PLXNA4: variants seen among roughly 807,000 people sequenced by gnomAD.
PLXNA4 encodes plexin-A4.
PLXNA4 carries 44 observed loss-of-function variants against 191.8 expected under a neutral mutation model. The observed-to-expected ratio is 0.23, with a 90% confidence interval of 0.18 to 0.29. The LOEUF (loss-of-function observed/expected upper bound fraction) is 0.29. PLXNA4 is among the 10% of genes least tolerant of loss of function. The pLI, the probability that PLXNA4 is intolerant of heterozygous loss-of-function variation, is 1.00. For missense variants in PLXNA4, 1,800 were observed against 2,488.8 expected (o/e 0.72, Z 5.89); for synonymous variants, 1,082 against 1,009.5 (o/e 1.07, Z -1.36).
Position 132,600,551 on chromosome 7 carries a change from G to C in PLXNA4, c.-87+45377C>G, listed in dbSNP as rs781191597. ...CCAATTATTTTTTATTTTTTGTAGA[G>C]ACAAGATCTTACCATGTTGCCCAAG... is the stretch of plus-strand genomic sequence containing the variant. On this transcript the variant is annotated intron_variant, in intron 2 of 4. Coordinates refer to the PLXNA4 transcript ENST00000378539. 1.4e-4 allele frequency among the ~76,000 whole-genome samples: 22 copies of C among 151,974 alleles called. 1 individual carries two copies. Among genetic ancestry groups the C allele is most frequent in the Non-Finnish European group, 2.6e-4 (18 of 68,002 alleles).
intron 1 of PLXNA4, among the ~76,000 whole-genome samples, chr7:132,563,039 T>C (rs111066461): frequency 0.97 from 61,946 of 64,012 alleles, 29,982 homozygotes; most frequent in Middle Eastern, 1. Context: ...TCCTCCTCCT[T>C]CTCTTCTTTC....
intron 16 of PLXNA4, among the ~76,000 whole-genome samples, chr7:132,183,352 T>G (rs1264992590): frequency 6.6e-6 from 1 of 152,176 alleles, no homozygotes; most frequent in Non-Finnish European, 1.5e-5. Flanking sequence ...TCAACACACA[T>G]TTATCAAATG....
At chr7:132,311,953 C>T (rs1200751644) in intron 3 of PLXNA4, among the ~76,000 whole-genome samples, 1 of 151,938 alleles carries the variant, frequency 6.6e-6, no homozygotes, top group Non-Finnish European at 1.5e-5. Context: ...AGCTGGGGGC[C>T]CTGGGGCCAG....
At chr7:132,367,476 C>T (rs376698942) in intron 3 of PLXNA4, among the ~76,000 whole-genome samples, 2 of 150,782 alleles carry the variant, frequency 1.3e-5, no homozygotes, top group East Asian at 3.9e-4. Flanking sequence ...TGCCATGGAG[C>T]CTGGAAGAAG....
At position 132,504,150 on chromosome 7, in the gene PLXNA4, C is replaced by T. The variant is rs184257636; in HGVS notation, c.1188+3356G>A. ...AGCACAGCCGGCCTTCCCTGATTCACCTGAAGTTGAGGTACAGCTGAGCTC... is the reference window on the plus strand; with the variant it reads ...AGCACAGCCGGCCTTCCCTGATTCATCTGAAGTTGAGGTACAGCTGAGCTC... On this transcript the variant is annotated intron_variant, in intron 2 of 31. Transcript: ENST00000321063. Among the ~76,000 whole-genome samples the T allele has an allele frequency of 2.8e-3, 421 of 152,356 alleles. 14 individuals are homozygous for T. The highest frequency in any genetic ancestry group is 5.1e-4 in the Non-Finnish European group (35 of 68,040).
At chr7:132,599,857 C>T (rs1482095465) in intron 2 of PLXNA4, among the ~76,000 whole-genome samples, 4 of 152,030 alleles carry the variant, frequency 2.6e-5, no homozygotes, top group Admixed American at 2.6e-4. Flanking sequence ...AAGGAATTTC[C>T]ATAGTTCCTA....
intron 14 of PLXNA4, among the ~76,000 whole-genome samples, chr7:132,188,846 T>C (rs1052815611): frequency 4.0e-5 from 6 of 151,396 alleles, no homozygotes; most frequent in African/African-American, 1.5e-4. Context: ...AGCCAAAAAG[T>C]GGTGATCTTC....
intron 3 of PLXNA4, among the ~76,000 whole-genome samples, chr7:132,387,502 C>T (rs62466424): frequency 0.077 from 11,679 of 152,176 alleles, 475 homozygotes; most frequent in Middle Eastern, 0.088. Flanking sequence ...GAGTAACTGG[C>T]AAGAATGAAG....
chr7:132,403,811 G>T (rs1394028065), intron 3 of PLXNA4, among the ~76,000 whole-genome samples: 1 of 152,142 alleles, frequency 6.6e-6, no homozygotes, highest in South Asian at 2.1e-4. Flanking sequence ...GGACCTGAGG[G>T]ATCAGGAGGG....
At chr7:132,257,456 G>A (rs1799472822) in intron 4 of PLXNA4, among the ~76,000 whole-genome samples, 1 of 152,158 alleles carries the variant, frequency 6.6e-6, no homozygotes, top group Admixed American at 6.5e-5. Context: ...TGTCACCCTG[G>A]CCAAACCCAG....
At chr7:132,472,633 A>G (rs1796971653) in intron 3 of PLXNA4, among the ~76,000 whole-genome samples, 1 of 152,220 alleles carries the variant, frequency 6.6e-6, no homozygotes, top group South Asian at 2.1e-4. Flanking sequence ...GTCAGCAGAG[A>G]CAAATTTAGC....
At chr7:132,151,529 A>G (rs1795636840) in intron 25 of PLXNA4, among the ~76,000 whole-genome samples, 3 of 59,618 alleles carry the variant, frequency 5.0e-5, no homozygotes, top group Non-Finnish European at 6.0e-5. Flanking sequence ...GAGGAGGAGA[A>G]AGGAGGAGGA....
Position 132,146,555 on chromosome 7 carries a change from G to A in PLXNA4, c.5010C>T (p.Ser1670=). The change falls in exon 28 of 32, where the codon AGC becomes AGT. Residue 1670 remains serine (S), a synonymous_variant. Transcript: ENST00000321063. ...TCAGGTAGATTTCAGACACCATCTTGCTCCCCCGGTCCCCCTCCTTCTGGT... is the reference window on the plus strand; with the variant it reads ...TCAGGTAGATTTCAGACACCATCTTACTCCCCCGGTCCCCCTCCTTCTGGT... The part of the protein sequence containing the change: ...HGDQKEGDRG[S]KMVSEIYLTR... 2 of 1,614,098 alleles carry A rather than the reference G, an allele frequency of 1.2e-6. No individual in the cohort carries two copies. The highest frequency in any genetic ancestry group is 1.7e-6 in the Non-Finnish European group (2 of 1,180,024).
At chr7:132,340,261 G>C (rs151292404) in intron 3 of PLXNA4, among the ~76,000 whole-genome samples, 231 of 152,324 alleles carry the variant, frequency 1.5e-3, no homozygotes, top group African/African-American at 5.4e-3. Flanking sequence ...CCTCTTCACT[G>C]TATTGCTTAT....
intron 3 of PLXNA4, among the ~76,000 whole-genome samples, chr7:132,488,815 C>T (rs939738517): frequency 6.6e-6 from 1 of 152,194 alleles, no homozygotes; most frequent in African/African-American, 2.4e-5. Context: ...CACAACTTGG[C>T]TCTGGGCCCC....
At chr7:132,414,690 C>G (rs567763897) in intron 3 of PLXNA4, among the ~76,000 whole-genome samples, 1 of 152,246 alleles carries the variant, frequency 6.6e-6, no homozygotes, top group East Asian at 1.9e-4. Flanking sequence ...CCCCCAGTCC[C>G]CAGTCATGTG....
At chr7:132,246,008 G>A (rs992025316) in intron 4 of PLXNA4, among the ~76,000 whole-genome samples, 1 of 152,194 alleles carries the variant, frequency 6.6e-6, no homozygotes, top group Non-Finnish European at 1.5e-5. Flanking sequence ...AGAAGATGGA[G>A]GGTGGTGATG....
chr7:132,281,642 A>C (rs901043720), intron 4 of PLXNA4, among the ~76,000 whole-genome samples: 1 of 152,176 alleles, frequency 6.6e-6, no homozygotes, highest in Admixed American at 6.5e-5. Flanking sequence ...ATCCTTCTGA[A>C]AGTACTTACT....
At chr7:132,137,237 G>A (rs76569359) in intron 30 of PLXNA4, among the ~76,000 whole-genome samples, 5,267 of 152,060 alleles carry the variant, frequency 0.035, 194 homozygotes, top group Non-Finnish European at 0.045. Flanking sequence ...TTTTCATGCC[G>A]TGACACACAT....
Sources: allele counts gnomAD v4.1 joint callset (sites outside exome capture counted in the v4.1 genomes callset), GRCh38; gene constraint gnomAD v4.1.1; transcripts MANE v1.5; gene names NCBI Gene and HGNC (gene_info 2026-07-23, HGNC 2026-07-21).